The following RXRA variants were observed in gnomAD, a reference collection of about 807,000 sequenced individuals.
The protein encoded by RXRA is retinoid X receptor alpha.
Under a neutral mutation model 44.5 loss-of-function variants are expected in RXRA, and 5 were observed. The observed-to-expected ratio is 0.11, with a 90% CI of 0.06 to 0.24. RXRA has a LOEUF of 0.24. Among genes scored for constraint, RXRA ranks in the 10% least tolerant of loss-of-function variants. RXRA has a pLI of 1.00. For synonymous variants in RXRA, 291 were observed against 271.4 expected, an observed-to-expected ratio of 1.07 and a Z score of -0.71; for missense variants, 412 against 646.5, an observed-to-expected ratio of 0.64 and a Z score of 3.93.
At chr9:134,359,433 C>T (rs376480937) in intron 1 of RXRA, among the ~76,000 whole-genome samples, 4 of 152,270 alleles carry the variant, frequency 2.6e-5, no homozygotes, top group South Asian at 4.1e-4. Context: ...CATTCTGCCT[C>T]GTGCCTCCCA....
chr9:134,389,992 T>C (rs1169821980), intron 1 of RXRA, among the ~76,000 whole-genome samples: 2 of 152,122 alleles, frequency 1.3e-5, no homozygotes, highest in Non-Finnish European at 2.9e-5. Context: ...CACAGTACCC[T>C]GATATGTGCC....
At chr9:134,425,534 G>T in intron 6 of RXRA, 1 of 894,682 alleles carries the variant, frequency 1.1e-6, no homozygotes, top group Non-Finnish European at 1.3e-6. Flanking sequence ...CACCTCCTGC[G>T]TGGCGGCAGG....
rs1305732931 is a variant in RXRA, at chr9:134,417,483, C to T, written c.780+156C>T. ...AGCTCGGCCTCTTACCTGAGGTGAC[C>T]CCGTGGGCCCCTCGCCCCAGCTGGG... is the stretch of plus-strand genomic sequence containing the variant. On this transcript the variant is annotated intron_variant, in intron 5 of 9. Transcript: ENST00000481739. The surrounding 1 kb of genome is among the most constrained non-coding windows in gnomAD (Gnocchi z 6.1). Among the ~76,000 whole-genome samples the T allele has an allele frequency of 6.6e-6, 1 of 152,116 alleles. No homozygotes were observed. The highest frequency in any genetic ancestry group is 1.9e-4 in the East Asian group (1 of 5,168).
At chr9:134,397,985 T>A (rs111851115) in intron 1 of RXRA, among the ~76,000 whole-genome samples, 19,992 of 151,850 alleles carry the variant, frequency 0.13, 4,297 homozygotes, top group African/African-American at 0.45. Context: ...TTTTATTTTT[T>A]ATTTTTTTTT....
At chr9:134,354,744 C>T (rs1554749869) in intron 1 of RXRA, among the ~76,000 whole-genome samples, 1 of 152,240 alleles carries the variant, frequency 6.6e-6, no homozygotes, top group Non-Finnish European at 1.5e-5. Context: ...CGTGTTGTTG[C>T]TCGAAGTCTC....
chr9:134,414,727 C>T lies in RXRA; in HGVS notation c.611-2431C>T, dbSNP rs185686265. Among the ~76,000 whole-genome samples the T allele has an allele frequency of 2.0e-3, 306 of 152,334 alleles. 1 individual carries two copies. Among genetic ancestry groups the T allele is most frequent in the African/African-American group, 7.1e-3 (294 of 41,578 alleles). On this transcript the variant is annotated intron_variant, in intron 4 of 9. Transcript: ENST00000481739. ...GGCACTGAGACTTTAGAATTCTGCC[C>T]TTGCTGCCCATCCTTAGGGTCTCAG...
chr9:134,411,924 C>T (rs974559485), intron 4 of RXRA, among the ~76,000 whole-genome samples: 1 of 152,130 alleles, frequency 6.6e-6, no homozygotes, highest in Admixed American at 6.5e-5. Flanking sequence ...TAACGGGGCC[C>T]CTGGTGCAGC....
intron 1 of RXRA, among the ~76,000 whole-genome samples, chr9:134,388,681 G>A (rs937915815): frequency 6.6e-6 from 1 of 152,216 alleles, no homozygotes; most frequent in African/African-American, 2.4e-5. Context: ...GTTGGTGGCC[G>A]CCATTCTGGG....
At chr9:134,432,092 A>G (rs1831541610) in intron 8 of RXRA, 96 bp downstream of exon 8, 1 of 884,558 alleles carries the variant, frequency 1.1e-6, no homozygotes, top group Non-Finnish European at 1.8e-6. Context: ...CTCTGGCTAC[A>G]TGTGGGGCCA....
At chr9:134,335,804 G>T (rs1829992979) in intron 1 of RXRA, among the ~76,000 whole-genome samples, 1 of 152,104 alleles carries the variant, frequency 6.6e-6, no homozygotes, top group Admixed American at 6.5e-5. Context: ...CCACTACTGG[G>T]AGGAACGGCT....
intron 4 of RXRA, among the ~76,000 whole-genome samples, chr9:134,412,071 C>A (rs1357335328): frequency 6.6e-6 from 1 of 152,216 alleles, no homozygotes; most frequent in Non-Finnish European, 1.5e-5. Flanking sequence ...GCAGAGCACT[C>A]CCCTCTCTCC....
intron 3 of RXRA, 74 bp from the exon 4 acceptor site, chr9:134,408,866 C>T (rs796430498): frequency 3.2e-5 from 44 of 1,371,076 alleles, no homozygotes; most frequent in African/African-American, 1.5e-4. Flanking sequence ...CTGGTAGTGG[C>T]GGCGTTGGAT....
intron 1 of RXRA, among the ~76,000 whole-genome samples, chr9:134,338,551 A>T (rs939276512): frequency 5.3e-5 from 8 of 152,218 alleles, no homozygotes; most frequent in Non-Finnish European, 8.8e-5. Context: ...GGCCGCAGTC[A>T]GTGGCCAGGA....
intron 1 of RXRA, among the ~76,000 whole-genome samples, chr9:134,389,551 T>G (rs183440096): frequency 1.4e-3 from 211 of 152,186 alleles, no homozygotes; most frequent in Non-Finnish European, 2.5e-3. Context: ...GCTTTGGATT[T>G]TGGGGGTGTA....
At chr9:134,362,940 C>T (rs1830370326) in intron 1 of RXRA, among the ~76,000 whole-genome samples, 1 of 152,258 alleles carries the variant, frequency 6.6e-6, no homozygotes, top group Admixed American at 6.5e-5. Flanking sequence ...TCAGCAGCCA[C>T]CTCGGCTCCA....
At chr9:134,367,778 C>G (rs910163256) in intron 1 of RXRA, among the ~76,000 whole-genome samples, 3 of 152,180 alleles carry the variant, frequency 2.0e-5, no homozygotes, top group African/African-American at 7.2e-5. Context: ...TCTTGTGGCC[C>G]CTTCTGGGTC....
chr9:134,367,391 A>C (rs1005953044), intron 1 of RXRA, among the ~76,000 whole-genome samples: 1 of 151,370 alleles, frequency 6.6e-6, no homozygotes, highest in Non-Finnish European at 1.5e-5. Context: ...CCACCCTTCC[A>C]CTCTCTGTGG....
At chr9:134,381,227 G>T (rs1344156210) in intron 1 of RXRA, among the ~76,000 whole-genome samples, 1 of 152,194 alleles carries the variant, frequency 6.6e-6, no homozygotes, top group Non-Finnish European at 1.5e-5. Flanking sequence ...GAAGAGGCAG[G>T]CGTATGGGAG....
At chr9:134,356,469 G>C (rs1332778213) in intron 1 of RXRA, among the ~76,000 whole-genome samples, 1 of 152,110 alleles carries the variant, frequency 6.6e-6, no homozygotes, top group Non-Finnish European at 1.5e-5. Context: ...CTGTGCTCCT[G>C]CAATGCCCAC....
Sources: gnomAD v4.1 joint callset for allele counts (sites outside exome capture counted in the v4.1 genomes callset) on GRCh38, gnomAD v4.1.1 for gene constraint, Gnocchi (gnomAD v3.1) non-coding constraint, MANE v1.5 for transcripts, NCBI Gene and HGNC (gene_info 2026-07-23, HGNC 2026-07-21) for gene names.